ZFYVE28: variants seen among roughly 807,000 people sequenced by gnomAD.
ZFYVE28 encodes lateral signaling target protein 2 homolog.
A neutral mutation model predicts 82.1 loss-of-function variants in ZFYVE28; 40 were observed. The ratio of observed to expected loss-of-function variants is 0.49; its 90% CI spans 0.38 to 0.63. The LOEUF (loss-of-function observed/expected upper bound fraction) is 0.63, where lower values mean the gene tolerates loss of function less well. ZFYVE28 is among the 30% of genes least tolerant of loss of function. ZFYVE28 has a pLI of 0.00. For missense variants in ZFYVE28, 1,321 were observed against 1,242.1 expected, an observed-to-expected ratio of 1.06 and a Z score of -0.96; for synonymous variants, 612 against 546.1, an observed-to-expected ratio of 1.12 and a Z score of -1.68.
intron 8 of ZFYVE28, among the ~76,000 whole-genome samples, chr4:2,289,977 G>A (rs1042857655): frequency 1.3e-5 from 2 of 152,166 alleles, no homozygotes; most frequent in African/African-American, 4.8e-5. Flanking sequence ...AGCTCAGGGG[G>A]AGGACAGACA....
In ZFYVE28 at chr4:2,372,047, G is replaced by C. The variant is rs1336746950; in HGVS notation, c.40-17974C>G. 6.6e-6 allele frequency among the ~76,000 whole-genome samples: 1 copy of C among 152,232 alleles called. No homozygotes were observed. Among genetic ancestry groups the C allele is most frequent in the African/African-American group, 2.4e-5 (1 of 41,468 alleles). ...GGTGCAAGGCCATGCACGAGCCTCA[G>C]GTCAGCCCAGTGGAAGCCTGGAGGG... On this transcript the variant is annotated intron_variant, in intron 1 of 12. Transcript: ENST00000290974. This position sits in a 1 kb window ranked among gnomAD's most constrained non-coding sequence, Gnocchi z 5.2.
intron 1 of ZFYVE28, among the ~76,000 whole-genome samples, chr4:2,376,700 G>C (rs115336139): frequency 1.6e-3 from 243 of 152,286 alleles, no homozygotes; most frequent in African/African-American, 5.7e-3. Flanking sequence ...GTCCCATCAA[G>C]TCCCTCCCAC....
At chr4:2,318,593 C>T (rs1434080898) in intron 7 of ZFYVE28, among the ~76,000 whole-genome samples, 1 of 152,218 alleles carries the variant, frequency 6.6e-6, no homozygotes, top group African/African-American at 2.4e-5. Context: ...TGGATTCTCA[C>T]TGTTTTCCCT....
intron 6 of ZFYVE28, among the ~76,000 whole-genome samples, chr4:2,333,606 C>T (rs1255698033): frequency 2.0e-5 from 3 of 152,134 alleles, no homozygotes; most frequent in Non-Finnish European, 4.4e-5. Context: ...CCAGCCAGGG[C>T]TCACCGGCTC....
intron 1 of ZFYVE28, among the ~76,000 whole-genome samples, chr4:2,412,804 T>C (rs1444527342): frequency 6.6e-6 from 1 of 152,024 alleles, no homozygotes; most frequent in South Asian, 2.1e-4. Context: ...TGGCTGAAAA[T>C]GGCCACTGAA....
Position 2,336,645 on chromosome 4 carries a change from G to A in ZFYVE28, c.611+762C>T, listed in dbSNP as rs188689104. On this transcript the variant is annotated intron_variant, in intron 5 of 12. Transcript: ENST00000290974. ...ACTCATTCCTGGACTGGGGAGGTGGGGAGTGAGGATTGAGGAGTGAGGATG... is the reference window on the plus strand; with the variant it reads ...ACTCATTCCTGGACTGGGGAGGTGGAGAGTGAGGATTGAGGAGTGAGGATG... 3.5e-3 allele frequency among the ~76,000 whole-genome samples: 536 copies of A among 152,310 alleles called. 2 individuals are homozygous for A. Among genetic ancestry groups the A allele is most frequent in the African/African-American group, 0.012 (479 of 41,580 alleles).
intron 1 of ZFYVE28, among the ~76,000 whole-genome samples, chr4:2,415,557 G>C (rs1337973374): frequency 3.9e-5 from 6 of 152,004 alleles, no homozygotes; most frequent in African/African-American, 1.2e-4. Context: ...AGTTTGAATT[G>C]TACATCTATC....
In ZFYVE28 at chr4:2,320,351, C is replaced by A. The variant is rs564185650; in HGVS notation, c.702-80G>T. On this transcript the variant is annotated intron_variant, in intron 6 of 12. Coordinates refer to ENST00000290974, the MANE Select transcript of ZFYVE28 (RefSeq NM_020972.3). The surrounding 1 kb of genome is among the most constrained non-coding windows in gnomAD (Gnocchi z 5.1). Reference sequence around the variant, plus strand: ...GCGGACGGCCCAACTTAACCACCTGCGAAAACCACGCCCGCTGGGACTCTG... The same window carrying A: ...GCGGACGGCCCAACTTAACCACCTGAGAAAACCACGCCCGCTGGGACTCTG... The A allele has an allele frequency of 3.9e-6, 5 of 1,281,946 alleles. No homozygotes were observed. The highest frequency in any genetic ancestry group is 1.9e-4 in the Middle Eastern group (1 of 5,266). 79.4% of individuals were successfully genotyped at this position (1,281,946 alleles called of 1,614,324 possible).
rs1048599348 is a variant in ZFYVE28 at position 2,399,436 on chromosome 4, G to A, written c.39+18849C>T. On this transcript the variant is annotated intron_variant, in intron 1 of 12. Transcript: ENST00000290974. ...GAGAATGCCAGCATTCCCCTACCAC[G>A]CCCCTGACCGTGCTGCCCCCAACCA... 8.0e-5 allele frequency among the ~76,000 whole-genome samples: 12 copies of A among 149,618 alleles called. No individual in the cohort carries two copies. In the East Asian group the frequency reaches 2.3e-3, roughly 29 times the overall value.
chr4:2,361,141 A>T (rs991276087), intron 1 of ZFYVE28, among the ~76,000 whole-genome samples: 1 of 152,226 alleles, frequency 6.6e-6, no homozygotes, highest in African/African-American at 2.4e-5. Flanking sequence ...TCTCAAAGAT[A>T]AACAGTGAAA....
chr4:2,298,117 A>C (rs1714923774), intron 8 of ZFYVE28, among the ~76,000 whole-genome samples: 1 of 146,666 alleles, frequency 6.8e-6, no homozygotes, highest in African/African-American at 2.6e-5. Flanking sequence ...ACGGTGACAC[A>C]GTGACACGGC....
chr4:2,362,887 T>C lies in ZFYVE28; in HGVS notation c.40-8814A>G, dbSNP rs1012884407. Among the ~76,000 whole-genome samples the C allele has an allele frequency of 2.6e-5, 4 of 151,842 alleles. No homozygotes were observed. The highest frequency in any genetic ancestry group is 5.9e-5 in the Non-Finnish European group (4 of 67,928). ...GGACGGTCCTGCTCACTTCCTGCCT[T>C]GGCCTCCTGCGGACCCCACCCACCC... On this transcript the variant is annotated intron_variant, in intron 1 of 12. Coordinates refer to ENST00000290974, the MANE Select transcript of ZFYVE28 (RefSeq NM_020972.3). The surrounding 1 kb of genome is among the most constrained non-coding windows in gnomAD (Gnocchi z 5.1).
rs1294214346 is a variant in ZFYVE28 at position 2,372,630 on chromosome 4, A to T, written c.40-18557T>A. The stretch of plus-strand genomic sequence containing the variant: ...AACAGGGCCTGGATTCTGGGAAGGG[A>T]CCTGATGAGGGAGGGCCTGCGGCTG... On this transcript the variant is annotated intron_variant, in intron 1 of 12. Coordinates refer to ENST00000290974, the MANE Select transcript of ZFYVE28 (RefSeq NM_020972.3). This position sits in a 1 kb window ranked among gnomAD's most constrained non-coding sequence, Gnocchi z 5.2. 6.6e-6 allele frequency among the ~76,000 whole-genome samples: 1 copy of T among 151,972 alleles called. No homozygotes were observed. Among genetic ancestry groups the T allele is most frequent in the African/African-American group, 2.4e-5 (1 of 41,342 alleles).
At chr4:2,405,037 T>G (rs1392615048) in intron 1 of ZFYVE28, among the ~76,000 whole-genome samples, 1 of 152,238 alleles carries the variant, frequency 6.6e-6, no homozygotes, top group African/African-American at 2.4e-5. Flanking sequence ...CAGCCACACT[T>G]CAATCTCTTA....
chr4:2,325,640 T>G (rs1719755317), intron 6 of ZFYVE28, among the ~76,000 whole-genome samples: 1 of 150,142 alleles, frequency 6.7e-6, no homozygotes, highest in Admixed American at 6.7e-5. Context: ...CTCTTTCCAT[T>G]GCCCAGACTG....
At chr4:2,366,017 G>A (rs3135143) in intron 1 of ZFYVE28, among the ~76,000 whole-genome samples, 29,047 of 152,052 alleles carry the variant, frequency 0.19, 2,926 homozygotes, top group Middle Eastern at 0.3. Context: ...AGATACAGCC[G>A]GCCTCACTGT....
intron 6 of ZFYVE28, chr4:2,328,765 T>A (rs1396853266): frequency 4.6e-6 from 1 of 215,322 alleles, no homozygotes; most frequent in African/African-American, 2.3e-5. Flanking sequence ...CTACCCAAGA[T>A]GACACATGAA....
intron 1 of ZFYVE28, among the ~76,000 whole-genome samples, chr4:2,385,696 T>C (rs3135100): frequency 0.87 from 131,918 of 152,138 alleles, 57,586 homozygotes; most frequent in African/African-American, 0.96. Flanking sequence ...GCTTGCCTTC[T>C]TCAGGACAGC....
At chr4:2,336,930 TGAG>T (rs1432158588) in intron 5 of ZFYVE28, among the ~76,000 whole-genome samples, 1 of 107,584 alleles carries the variant, frequency 9.3e-6, no homozygotes, top group Non-Finnish European at 1.9e-5. Flanking sequence ...AGGAGGTGAG[TGAG>T]GAGGTGAGGA....
Sources: allele counts gnomAD v4.1 joint callset (sites outside exome capture counted in the v4.1 genomes callset), GRCh38; gene constraint gnomAD v4.1.1; non-coding constraint Gnocchi (gnomAD v3.1); transcripts MANE v1.5; gene names NCBI Gene and HGNC (gene_info 2026-07-23, HGNC 2026-07-21).